SV2B: variants seen among roughly 807,000 people sequenced by gnomAD.
SV2B encodes solute carrier family 22 member B2.
In SV2B, 41 loss-of-function variants were observed where a neutral mutation model predicts 73.9. The observed-to-expected ratio is 0.56, with a 90% confidence interval of 0.43 to 0.72. The LOEUF is 0.72. SV2B is among the 30% of genes least tolerant of loss of function. The pLI is 0.00. For synonymous variants in SV2B, 314 were observed against 314.2 expected (o/e 1.00, Z 0.01); for missense variants, 764 against 857.8 (o/e 0.89, Z 1.37).
intron 1 of SV2B, among the ~76,000 whole-genome samples, chr15:91,204,719 G>A (rs756196766): frequency 6.6e-5 from 10 of 151,742 alleles, no homozygotes; most frequent in Middle Eastern, 3.2e-3. Flanking sequence ...CACCATGCCC[G>A]GCTAATTTTT....
Position 91,288,354 on chromosome 15 carries a change from G to C in SV2B, c.1709-1167G>C, listed in dbSNP as rs1025919934. Among the ~76,000 whole-genome samples, 2 of 152,180 alleles carry C rather than the reference G, an allele frequency of 1.3e-5. No individual in the cohort carries two copies. The highest frequency in any genetic ancestry group is 2.9e-5 in the Non-Finnish European group (2 of 68,042). Reference sequence around the variant, plus strand: ...CATATATACGATGTGGAATGATTAAGTCAAGCTAATTAACATATCCATCAC... The same window carrying C: ...CATATATACGATGTGGAATGATTAACTCAAGCTAATTAACATATCCATCAC... On this transcript the variant is annotated intron_variant, in intron 11 of 12. Transcript: ENST00000394232. The surrounding 1 kb of genome is among the most constrained non-coding windows in gnomAD (Gnocchi z 5.8).
rs146766793 is a variant in SV2B, at chr15:91,291,677, G to A, written c.1869-692G>A. On this transcript the variant is annotated intron_variant, in intron 12 of 12. Coordinates refer to ENST00000394232, the MANE Select transcript of SV2B (RefSeq NM_001323032.3). ...TTCCTGAAAAAGTCTAGAGTGGGTG[G>A]TGCAGGCTCTTTCTATCTCATTGTT... Among the ~76,000 whole-genome samples the A allele has an allele frequency of 6.3e-3, 955 of 152,290 alleles. 7 individuals carry two copies. Among genetic ancestry groups the A allele is most frequent in the African/African-American group, 0.017 (696 of 41,546 alleles).
At chr15:91,276,549 T>A (rs1300639310) in intron 9 of SV2B, among the ~76,000 whole-genome samples, 1 of 152,004 alleles carries the variant, frequency 6.6e-6, no homozygotes, top group Non-Finnish European at 1.5e-5. Context: ...TTTTGAGTTA[T>A]CTATAACTCC....
chr15:91,111,336 C>A (rs1458144403), intron 1 of SV2B, among the ~76,000 whole-genome samples: 1 of 152,226 alleles, frequency 6.6e-6, no homozygotes, highest in African/African-American at 2.4e-5. Flanking sequence ...CAAACTCTTA[C>A]TTTCTTGTGG....
At chr15:91,183,688 A>G (rs2044668753) in intron 1 of SV2B, among the ~76,000 whole-genome samples, 1 of 152,256 alleles carries the variant, frequency 6.6e-6, no homozygotes, top group Admixed American at 6.5e-5. Context: ...TTGCCCAGGC[A>G]TTCATCAAGA....
In SV2B at chr15:91,268,952, C is replaced by T. The variant is rs146322076; in HGVS notation, c.1373+347C>T. Among the ~76,000 whole-genome samples, 31 of 152,324 alleles carry T rather than the reference C, an allele frequency of 2.0e-4. No homozygotes were observed. Among genetic ancestry groups the T allele is most frequent in the African/African-American group, 4.1e-4 (17 of 41,568 alleles). On this transcript the variant is annotated intron_variant, in intron 9 of 12. Transcript: ENST00000394232. This position sits in a 1 kb window ranked among gnomAD's most constrained non-coding sequence, Gnocchi z 4.4. ...CTAGGGCTCTTACTGCTGAGATTCCCGAACTAGTCCAAAGCCTGGGTGTTG... is the reference window on the plus strand; with the variant it reads ...CTAGGGCTCTTACTGCTGAGATTCCTGAACTAGTCCAAAGCCTGGGTGTTG...
At chr15:91,285,034 G>A (rs1036682490) in intron 11 of SV2B, among the ~76,000 whole-genome samples, 2 of 152,316 alleles carry the variant, frequency 1.3e-5, no homozygotes, top group African/African-American at 4.8e-5. Flanking sequence ...AGGGACCTGC[G>A]TTAGGGTTGA....
rs1432175172 is a variant in SV2B, at chr15:91,214,621, C to T, written c.-391-11252C>T. Among the ~76,000 whole-genome samples, 3 of 152,192 alleles carry T rather than the reference C, an allele frequency of 2.0e-5. No individual in the cohort carries two copies. The highest frequency in any genetic ancestry group is 1.9e-4 in the East Asian group (1 of 5,198). On this transcript the variant is annotated intron_variant, in intron 1 of 12. Coordinates refer to ENST00000394232, the MANE Select transcript of SV2B (RefSeq NM_001323032.3). The surrounding 1 kb of genome is among the most constrained non-coding windows in gnomAD (Gnocchi z 4.7). ...TAAAGAAATGCAGTGGGCAAGAATT[C>T]GCTTTACAACAGCCACTGTATGGCA...
In SV2B at chr15:91,226,614, G is replaced by T. The variant is rs1366333868; in HGVS notation, c.351G>T (p.Leu117Phe). The T allele has an allele frequency of 6.2e-7, 1 of 1,614,180 alleles. No homozygotes were observed. The stretch of plus-strand genomic sequence containing the variant: ...GGATCCTCTTTTTCGTCTTGGGTTT[G>T]GCCCTGATGGCCGATGGGGTGGAAG... Reference protein sequence around the residue: ...FQWILFFVLGLALMADGVEVF... With the variant: ...FQWILFFVLGFALMADGVEVF... The change falls in exon 2 of 13, where the codon TTG (leucine) becomes TTT (phenylalanine). Residue 117 changes from leucine (L) to phenylalanine (F), a missense_variant. Leu to Phe is a conservative substitution (Grantham distance 22). Transcript: ENST00000394232.
In SV2B at chr15:91,136,135, A is replaced by G. The variant is rs74808347; in HGVS notation, c.-392+35772A>G. Among the ~76,000 whole-genome samples, 27,454 of 152,236 alleles carry G rather than the reference A, an allele frequency of 0.18. 3,113 individuals are homozygous for G. Among genetic ancestry groups the G allele is most frequent in the Non-Finnish European group, 0.26 (17,725 of 67,970 alleles). ...ACCACCTTCACAAAGTACTGCCTTC[A>G]CAGACTCCTAGGGATCTGGGAATCC... is the stretch of plus-strand genomic sequence containing the variant. On this transcript the variant is annotated intron_variant, in intron 1 of 12. Transcript: ENST00000394232. This position sits in a 1 kb window ranked among gnomAD's most constrained non-coding sequence, Gnocchi z 5.6.
In SV2B at chr15:91,110,563, G is replaced by C. The variant is rs951186326; in HGVS notation, c.-392+10200G>C. ...ACGCAGAATCTGACCGTGGCCTCTC[G>C]CCTGATCTGGGGTGCAGCAGATGGC... is the stretch of plus-strand genomic sequence containing the variant. On this transcript the variant is annotated intron_variant, in intron 1 of 12. Coordinates refer to ENST00000394232, the MANE Select transcript of SV2B (RefSeq NM_001323032.3). The surrounding 1 kb of genome is among the most constrained non-coding windows in gnomAD (Gnocchi z 5.4). Among the ~76,000 whole-genome samples the C allele has an allele frequency of 6.6e-6, 1 of 152,160 alleles. No individual in the cohort carries two copies. The highest frequency in any genetic ancestry group is 2.4e-5 in the African/African-American group (1 of 41,424).
At chr15:91,256,740 A>G (rs1365684548) in intron 4 of SV2B, among the ~76,000 whole-genome samples, 2 of 152,230 alleles carry the variant, frequency 1.3e-5, no homozygotes, top group African/African-American at 4.8e-5. Context: ...GCTGTGGTCA[A>G]AGGTGTCCAA....
chr15:91,268,412 G>A lies in SV2B; in HGVS notation c.1209-29G>A. 6.3e-7 allele frequency: 1 copy of A among 1,597,044 alleles called. No individual in the cohort carries two copies. On this transcript the variant is annotated intron_variant, in intron 8 of 12. Transcript: ENST00000394232. This position sits in a 1 kb window ranked among gnomAD's most constrained non-coding sequence, Gnocchi z 4.4. Reference sequence around the variant, plus strand: ...TCATGAAAGAATGAATCCTGTTGTTGTTGCAACCTTCTGCCTTCTCCACTC... The same window carrying A: ...TCATGAAAGAATGAATCCTGTTGTTATTGCAACCTTCTGCCTTCTCCACTC...
rs1030422945 is a variant in SV2B, at chr15:91,236,150, G to T, written c.451+9436G>T. On this transcript the variant is annotated intron_variant, in intron 2 of 12. Transcript: ENST00000394232. The surrounding 1 kb of genome is among the most constrained non-coding windows in gnomAD (Gnocchi z 4.1). ...TCAGGACATTCTGTCCACTTTGCCT[G>T]CAGAATATCTCCCTTGGCAATGTCA... 2.6e-5 allele frequency among the ~76,000 whole-genome samples: 4 copies of T among 152,168 alleles called. No homozygotes were observed. The highest frequency in any genetic ancestry group is 9.7e-5 in the African/African-American group (4 of 41,440).
intron 1 of SV2B, among the ~76,000 whole-genome samples, chr15:91,127,882 G>A (rs2042532273): frequency 6.6e-6 from 1 of 152,172 alleles, no homozygotes; most frequent in Non-Finnish European, 1.5e-5. Context: ...TTCAGGAGTA[G>A]TTCTTTGAGC....
chr15:91,185,779 C>A (rs1273132157), intron 1 of SV2B, among the ~76,000 whole-genome samples: 11 of 152,158 alleles, frequency 7.2e-5, no homozygotes, highest in Admixed American at 1.3e-4. Flanking sequence ...ATTGTGTGAT[C>A]TCCTTTGTCC....
At chr15:91,221,347 C>G (rs1334819790) in intron 1 of SV2B, among the ~76,000 whole-genome samples, 3 of 152,106 alleles carry the variant, frequency 2.0e-5, no homozygotes, top group African/African-American at 7.2e-5. Context: ...AGCTTGCACG[C>G]AGGTAGTAGA....
Position 91,263,630 on chromosome 15 carries a change from A to G in SV2B, c.1009-2952A>G, listed in dbSNP as rs1596729527. On this transcript the variant is annotated intron_variant, in intron 6 of 12. Transcript: ENST00000394232. Reference sequence around the variant, plus strand: ...CAGGAACACAAACACAGAAACACACAGACGCACATTAAGACAAACACACAG... The same window carrying G: ...CAGGAACACAAACACAGAAACACACGGACGCACATTAAGACAAACACACAG... Among the ~76,000 whole-genome samples the G allele has an allele frequency of 2.6e-5, 4 of 152,012 alleles. No individual in the cohort carries two copies. The East Asian group carries it at 7.8e-4, about 29-fold the overall frequency.
At chr15:91,107,873 G>C (rs1372234160) in intron 1 of SV2B, among the ~76,000 whole-genome samples, 1 of 152,174 alleles carries the variant, frequency 6.6e-6, no homozygotes, top group Non-Finnish European at 1.5e-5. Context: ...AGTCCCCAAA[G>C]TGGTGGGATT....
Sources: allele counts gnomAD v4.1 joint callset (sites outside exome capture counted in the v4.1 genomes callset), GRCh38; gene constraint gnomAD v4.1.1; non-coding constraint Gnocchi (gnomAD v3.1); transcripts MANE v1.5; gene names NCBI Gene and HGNC (gene_info 2026-07-23, HGNC 2026-07-21).